The following PHF12 variants were observed in gnomAD, a reference collection of about 807,000 sequenced individuals.
The protein encoded by PHF12 is PHD finger protein 12.
In PHF12, 6 loss-of-function variants were observed where a neutral mutation model predicts 99.8. The observed-to-expected ratio is 0.06, with a 90% CI of 0.03 to 0.12. PHF12 has a LOEUF of 0.12. PHF12 is among the 10% of genes least tolerant of loss of function. The probability of loss-of-function intolerance (pLI) is 1.00; values close to 1 mark genes in which losing one functional copy is unlikely to be tolerated. For missense variants in PHF12, 954 were observed against 1,300.1 expected, an observed-to-expected ratio of 0.73 and a Z score of 4.09; for synonymous variants, 480 against 514.9, an observed-to-expected ratio of 0.93 and a Z score of 0.92.
chr17:28,916,200 A>ACCTTTTTTTT (rs2040058072), intron 7 of PHF12, among the ~76,000 whole-genome samples: 1 of 151,932 alleles, frequency 6.6e-6, no homozygotes, highest in Admixed American at 6.6e-5. Flanking sequence ...GGTGTGACTG[A>ACCTTTTTTTT]CCTTTTTTTT....
chr17:28,937,259 C>T (rs2040527131), intron 2 of PHF12, among the ~76,000 whole-genome samples: 1 of 152,166 alleles, frequency 6.6e-6, no homozygotes, highest in Non-Finnish European at 1.5e-5. Flanking sequence ...CTTGTGTGGG[C>T]ATCAGCTTTT....
intron 2 of PHF12, among the ~76,000 whole-genome samples, chr17:28,931,066 TAAC>T (rs1308456630): frequency 1.3e-5 from 2 of 151,400 alleles, no homozygotes; most frequent in South Asian, 2.1e-4. Context: ...GTCTCAAAAA[TAAC>T]AACAACAAAA....
At chr17:28,910,595 T>A (rs1299994019) in intron 10 of PHF12, 3 of 586,270 alleles carry the variant, frequency 5.1e-6, no homozygotes, top group Non-Finnish European at 5.9e-6. Flanking sequence ...CCTCCTGTAG[T>A]TGGGTGGACT....
intron 2 of PHF12, among the ~76,000 whole-genome samples, chr17:28,941,553 C>T (rs1273403143): frequency 6.6e-6 from 1 of 152,142 alleles, no homozygotes. Flanking sequence ...GCTCAAAAGA[C>T]AGCACATTTT....
chr17:28,933,497 G>C (rs148265914), intron 2 of PHF12, among the ~76,000 whole-genome samples: 7 of 152,110 alleles, frequency 4.6e-5, no homozygotes, highest in African/African-American at 1.7e-4. Context: ...AGCTATTTTT[G>C]TTGTTGTTGT....
chr17:28,906,033 A>T lies in PHF12; in HGVS notation c.*150T>A. The T allele has an allele frequency of 2.6e-6, 2 of 768,400 alleles. No individual in the cohort carries two copies. The highest frequency in any genetic ancestry group is 3.9e-6 in the Non-Finnish European group (2 of 511,646). The allele number at this position is 768,400 out of a possible 1,614,324, so 47.6% of individuals were successfully genotyped here. On this transcript the variant is annotated 3_prime_UTR_variant, in exon 15 of 15. Coordinates refer to ENST00000332830, the MANE Select transcript of PHF12 (RefSeq NM_001033561.2). This position sits in a 1 kb window ranked among gnomAD's most constrained non-coding sequence, Gnocchi z 4.2. The stretch of plus-strand genomic sequence containing the variant: ...AAAAGAAAAAGGATTTTTAAAAAAC[A>T]GTCAAAAGGTTTTCTTCATTTCATG...
At position 28,923,476 on chromosome 17, in the gene PHF12, G is replaced by A. The variant is rs189724472; in HGVS notation, c.715+433C>T. Among the ~76,000 whole-genome samples, 146 of 151,280 alleles carry A rather than the reference G, an allele frequency of 9.7e-4. 1 individual carries two copies. Among genetic ancestry groups the A allele is most frequent in the African/African-American group, 3.3e-3 (138 of 41,198 alleles). Reference sequence around the variant, plus strand: ...AGTTCAAGACCAGCCTGAACAACATGGTAAAATCCTGTCTCTACTGAAAAT... The same window carrying A: ...AGTTCAAGACCAGCCTGAACAACATAGTAAAATCCTGTCTCTACTGAAAAT... On this transcript the variant is annotated intron_variant, in intron 4 of 14. Transcript: ENST00000332830.
rs748671888 is a variant in PHF12, at chr17:28,924,088, T to C, written c.536A>G (p.Glu179Gly). Residue 179 changes from glutamate (E) to glycine (G), a missense_variant, in exon 4 of 15, where the codon GAG becomes GGG. Glu to Gly is a moderately conservative substitution (Grantham distance 98). Around this residue, in one of 8 missense-constraint regions of PHF12, gnomAD observed 109 missense variants for 145.4 expected, o/e 0.75. Transcript: ENST00000332830. ...SSASTETPTS[E>G]QNDVDEDIID... The stretch of plus-strand genomic sequence containing the variant: ...GATGTCTTCGTCGACATCATTCTGC[T>C]CAGAGGTGGGAGTCTCTGTGCTGGC... 1 of 1,614,202 alleles carries C rather than the reference T, an allele frequency of 6.2e-7. No homozygotes were observed. The highest frequency in any genetic ancestry group is 1.1e-5 in the South Asian group (1 of 91,084).
intron 2 of PHF12, among the ~76,000 whole-genome samples, chr17:28,934,281 T>C (rs1479738899): frequency 6.6e-6 from 1 of 152,220 alleles, no homozygotes; most frequent in African/African-American, 2.4e-5. Flanking sequence ...CAATTACTTA[T>C]GGATGCCAGA....
chr17:28,919,791 T>C (rs2040128974), intron 5 of PHF12, among the ~76,000 whole-genome samples: 1 of 152,108 alleles, frequency 6.6e-6, no homozygotes, highest in Admixed American at 6.6e-5. Context: ...ATGGATGGAT[T>C]TGGGGGCTCC....
chr17:28,906,292 G>T lies in PHF12; in HGVS notation c.2906C>A (p.Thr969Asn). 1 of 1,614,226 alleles carries T rather than the reference G, an allele frequency of 6.2e-7. No homozygotes were observed. The highest frequency in any genetic ancestry group is 8.5e-7 in the Non-Finnish European group (1 of 1,180,034). The change falls in exon 15 of 15, where the codon ACC (threonine) becomes AAC (asparagine). Residue 969 changes from threonine to asparagine, a missense_variant. By Grantham distance (65) the Thr-to-Asn change is moderately conservative (BLOSUM62 0). This residue lies in a region of PHF12 where 136 missense variants were observed against 172.3 expected (regional missense o/e 0.79). Transcript: ENST00000332830. The surrounding 1 kb of genome is among the most constrained non-coding windows in gnomAD (Gnocchi z 4.2). ...GCTGGCATCGCCTTTGGGCTGTTTG[G>T]TCGCAAACTCAGTGATGCTGAAGAC... is the stretch of plus-strand genomic sequence containing the variant. ...QFVFSITEFA[T>N]KQPKGDASLL...
chr17:28,922,528 AG>A (rs947103534), intron 4 of PHF12, among the ~76,000 whole-genome samples: 1 of 152,218 alleles, frequency 6.6e-6, no homozygotes, highest in African/African-American at 2.4e-5. Context: ...TTAAAAAAAA[AG>A]AATGGAGGAC....
In PHF12 at chr17:28,910,419, T is replaced by G. The variant is rs573062754; in HGVS notation, c.2216-50A>C. 1,202 of 1,564,972 alleles carry G rather than the reference T, an allele frequency of 7.7e-4. 11 individuals carry two copies. In the South Asian group the frequency reaches 0.014, roughly 18 times the overall value. ...AAAGCAGCTGAGATGGGAAGTGGAA[T>G]GTGGAAGCAAATCAGGGTCACAGAG... On this transcript the variant is annotated intron_variant, in intron 10 of 14. Coordinates refer to ENST00000332830, the MANE Select transcript of PHF12 (RefSeq NM_001033561.2).
chr17:28,914,671 CAAAAAAAAAAAAAA>C (rs61203588), intron 7 of PHF12, among the ~76,000 whole-genome samples: 21 of 30,326 alleles, frequency 6.9e-4, no homozygotes, highest in Admixed American at 1.6e-3. Context: ...GACTCCGTCT[CAAAAAAAAAAAAAA>C]AAAAAAAAAA....
chr17:28,939,679 TTTCTCTGCTCTG>T (rs1387894844), intron 2 of PHF12, among the ~76,000 whole-genome samples: 13 of 152,358 alleles, frequency 8.5e-5, no homozygotes, highest in Admixed American at 3.3e-4. Flanking sequence ...ATTTCATTAG[TTTCTCTGCTCTG>T]TTCTCTGCAC....
At chr17:28,917,503 C>T in intron 6 of PHF12, 54 bp from the exon 7 acceptor site, 1 of 1,526,574 alleles carries the variant, frequency 6.6e-7, no homozygotes, top group Non-Finnish European at 8.8e-7. Flanking sequence ...CACCTCCTAT[C>T]CCAGTTAACC....
Position 28,912,527 on chromosome 17 carries a change from C to T in PHF12, c.2044G>A (p.Ala682Thr), listed in dbSNP as rs200763198. 9.3e-6 allele frequency: 15 copies of T among 1,611,324 alleles called. No individual in the cohort carries two copies. In the African/African-American group the frequency reaches 1.9e-4, roughly 20 times the overall value. ...PPQAAGDGIL[A>T]TTANQRFSSP... The stretch of plus-strand genomic sequence containing the variant: ...CTGAATCGTTGGTTGGCTGTTGTGG[C>T]CAAGATACCATCTCCTGCTGCTTGC... The change falls in exon 9 of 15, where the codon GCC becomes ACC. Residue 682 changes from alanine to threonine, a missense_variant. Physicochemically the swap from Ala to Thr is moderately conservative, Grantham distance 58. Coordinates refer to ENST00000332830, the MANE Select transcript of PHF12 (RefSeq NM_001033561.2).
chr17:28,910,881 T>TC (rs1260575270), intron 10 of PHF12: 11 of 534,874 alleles, frequency 2.1e-5, no homozygotes, highest in African/African-American at 1.9e-4. Context: ...GGCTCTGTCC[T>TC]CCCTTCATCT....
At chr17:28,921,919 T>C (rs1446836115) in intron 4 of PHF12, 111 bp from the exon 5 acceptor site, 11 of 1,419,446 alleles carry the variant, frequency 7.7e-6, no homozygotes, top group Non-Finnish European at 1.0e-5. Flanking sequence ...TGTCATGGCC[T>C]AAGCATGAAT....
Sources: allele counts gnomAD v4.1 joint callset (sites outside exome capture counted in the v4.1 genomes callset), GRCh38; gene constraint gnomAD v4.1.1; regional missense constraint gnomAD v4.1.1; non-coding constraint Gnocchi (gnomAD v3.1); transcripts MANE v1.5; gene names NCBI Gene and HGNC (gene_info 2026-07-23, HGNC 2026-07-21).